Variants in TMOD1 observed in about 807,000 individuals in gnomAD.
TMOD1 encodes the protein tropomodulin-1.
In TMOD1, 17 loss-of-function variants were observed where a neutral mutation model predicts 40.6. That is an observed-to-expected ratio of 0.42 (90% confidence interval 0.29 to 0.63). The LOEUF (loss-of-function observed/expected upper bound fraction) is 0.63. Among genes scored for constraint, TMOD1 ranks in the 20% least tolerant of loss-of-function variants. TMOD1 has a pLI of 0.22. For missense variants in TMOD1, 391 were observed against 447.6 expected (o/e 0.87, Z 1.14); for synonymous variants, 181 against 175.0 (o/e 1.03, Z -0.27).
intron 9 of TMOD1, among the ~76,000 whole-genome samples, chr9:97,598,006 A>G (rs1826151366): frequency 6.6e-6 from 1 of 152,034 alleles, no homozygotes; most frequent in Non-Finnish European, 1.5e-5. Flanking sequence ...TGAGGGAGGC[A>G]CTGGACTGAG....
intron 8 of TMOD1, among the ~76,000 whole-genome samples, chr9:97,579,306 C>T (rs1282686236): frequency 6.6e-6 from 1 of 152,204 alleles, no homozygotes; most frequent in Non-Finnish European, 1.5e-5. Context: ...ATTCTGCACA[C>T]CTCGACCGAG....
At chr9:97,536,361 C>G (rs552195891) in intron 2 of TMOD1, among the ~76,000 whole-genome samples, 1 of 151,970 alleles carries the variant, frequency 6.6e-6, no homozygotes, top group Non-Finnish European at 1.5e-5. Context: ...GGCAGGTGGG[C>G]GTCTAGGGCA....
intron 2 of TMOD1, among the ~76,000 whole-genome samples, chr9:97,538,191 A>T (rs1195737286): frequency 1.3e-5 from 2 of 152,196 alleles, no homozygotes; most frequent in Admixed American, 6.5e-5. Context: ...GATCAGAGAT[A>T]ATCTAGAATT....
intron 8 of TMOD1, among the ~76,000 whole-genome samples, chr9:97,574,323 G>A (rs1336280382): frequency 1.3e-5 from 2 of 151,990 alleles, no homozygotes; most frequent in African/African-American, 2.4e-5. Flanking sequence ...GCGGCCGGCC[G>A]ACCCCGCCGG....
chr9:97,576,476 TTAAAA>T (rs1464514153), intron 8 of TMOD1, among the ~76,000 whole-genome samples: 2 of 151,802 alleles, frequency 1.3e-5, no homozygotes, highest in Admixed American at 6.6e-5. Context: ...TAAATAAATA[TTAAAA>T]TAAAATGAAA....
intron 8 of TMOD1, among the ~76,000 whole-genome samples, chr9:97,580,585 A>C (rs1440945149): frequency 1.3e-5 from 2 of 151,906 alleles, no homozygotes. Flanking sequence ...CAGCCTGGGC[A>C]ACAGAGTGAG....
intron 1 of TMOD1, among the ~76,000 whole-genome samples, chr9:97,521,269 G>A (rs1829911122): frequency 6.6e-6 from 1 of 152,102 alleles, no homozygotes; most frequent in South Asian, 2.1e-4. Flanking sequence ...ATTCCTCTTG[G>A]AGACTCCATT....
At chr9:97,530,779 G>A (rs1277640937) in intron 2 of TMOD1, among the ~76,000 whole-genome samples, 9 of 138,360 alleles carry the variant, frequency 6.5e-5, no homozygotes, top group East Asian at 2.2e-4. Flanking sequence ...GTGAGCCACC[G>A]GGCCCGGCTT....
chr9:97,566,488 T>C (rs1830729801), intron 7 of TMOD1, among the ~76,000 whole-genome samples: 1 of 151,992 alleles, frequency 6.6e-6, no homozygotes, highest in African/African-American at 2.4e-5. Context: ...CTGGCCAACA[T>C]GGTGAAACCC....
chr9:97,585,241 T>G (rs933114887), intron 8 of TMOD1, among the ~76,000 whole-genome samples: 3 of 151,852 alleles, frequency 2.0e-5, no homozygotes, highest in African/African-American at 7.2e-5. Context: ...CTGTAAAGGA[T>G]TTTATTTCTC....
At chr9:97,509,472 G>T (rs1047435124) in intron 1 of TMOD1, among the ~76,000 whole-genome samples, 2 of 150,926 alleles carry the variant, frequency 1.3e-5, no homozygotes, top group Admixed American at 1.3e-4. Context: ...CCGTTTTGGG[G>T]GTTTTGGGTT....
intron 1 of TMOD1, among the ~76,000 whole-genome samples, chr9:97,503,973 A>G (rs957050967): frequency 9.9e-5 from 15 of 152,156 alleles, no homozygotes; most frequent in Non-Finnish European, 2.1e-4. Flanking sequence ...CCAGGTGCCA[A>G]GGGAGGACAG....
At chr9:97,590,707 C>G (rs1185820914) in intron 8 of TMOD1, among the ~76,000 whole-genome samples, 1 of 151,548 alleles carries the variant, frequency 6.6e-6, no homozygotes, top group African/African-American at 2.4e-5. Flanking sequence ...ATAATATGAT[C>G]AGAATTGGGC....
At chr9:97,512,918 C>T (rs1463840476) in intron 1 of TMOD1, 2 of 152,086 alleles carry the variant, frequency 1.3e-5, no homozygotes, top group South Asian at 2.1e-4. Context: ...ATACTTAAGC[C>T]TTGCACACTT....
intron 1 of TMOD1, among the ~76,000 whole-genome samples, chr9:97,504,841 A>G (rs1587907020): frequency 6.6e-6 from 1 of 152,258 alleles, no homozygotes; most frequent in African/African-American, 2.4e-5. Flanking sequence ...TTACTAATGG[A>G]CCAGCCAGGC....
At position 97,564,291 on chromosome 9, in the gene TMOD1, G is replaced by A. The variant is rs1484414320; in HGVS notation, c.618+123G>A. 3 of 1,313,882 alleles carry A rather than the reference G, an allele frequency of 2.3e-6. No homozygotes were observed. In the African/African-American group the frequency reaches 4.5e-5, roughly 20 times the overall value. 81.4% of individuals were successfully genotyped at this position (1,313,882 alleles called of 1,614,324 possible). A position where few individuals can be genotyped will look rare whatever the true frequency, so the allele number is the denominator to read the frequency against. ...ACAGGGTCCTGTTTGGATTCTGGGT[G>A]TTTCTGCATTGGGAATAGGGACAAA... is the stretch of plus-strand genomic sequence containing the variant. On this transcript the variant is annotated intron_variant, in intron 6 of 9. Coordinates refer to ENST00000259365, the MANE Select transcript of TMOD1 (RefSeq NM_003275.4).
intron 2 of TMOD1, among the ~76,000 whole-genome samples, chr9:97,534,997 G>A: frequency 6.6e-6 from 1 of 152,218 alleles, no homozygotes; most frequent in East Asian, 1.9e-4. Flanking sequence ...TGTGGAATAT[G>A]GAGCAGCCTG....
At position 97,553,175 on chromosome 9, in the gene TMOD1, A is replaced by G. The variant is rs549100287; in HGVS notation, c.278-106A>G. ...GGAGAAACCTGAAGGGACTCTCAGCATGGAGGGACCCACAGGGCTCTACAA... is the reference window on the plus strand; with the variant it reads ...GGAGAAACCTGAAGGGACTCTCAGCGTGGAGGGACCCACAGGGCTCTACAA... On this transcript the variant is annotated intron_variant, in intron 3 of 9. Transcript: ENST00000259365. 2.3e-5 allele frequency: 36 copies of G among 1,533,000 alleles called. 1 individual carries two copies. In the South Asian group the frequency reaches 3.0e-4, roughly 13 times the overall value. The allele number at this position is 1,533,000 out of a possible 1,614,324, so 95.0% of individuals were successfully genotyped here.
chr9:97,559,802 T>A (rs1315936164), intron 4 of TMOD1, among the ~76,000 whole-genome samples: 77 of 28,450 alleles, frequency 2.7e-3, no homozygotes, highest in African/African-American at 8.1e-3. Flanking sequence ...AAAATATATA[T>A]ATATATATAT....
Sources: allele counts gnomAD v4.1 joint callset (sites outside exome capture counted in the v4.1 genomes callset), GRCh38; gene constraint gnomAD v4.1.1; transcripts MANE v1.5; gene names NCBI Gene and HGNC (gene_info 2026-07-23, HGNC 2026-07-21).